The following HMGCLL1 variants were observed in gnomAD, a reference collection of about 807,000 sequenced individuals.
HMGCLL1 encodes 3-hydroxy-3-methylglutaryl-CoA lyase like 1.
In HMGCLL1, 36 loss-of-function variants were observed where a neutral mutation model predicts 39.1. The ratio of observed to expected loss-of-function variants is 0.92; its 90% CI spans 0.71 to 1.22. The LOEUF is 1.22. Among genes scored for constraint, HMGCLL1 ranks in the 50% most tolerant of loss-of-function variants. HMGCLL1 has a pLI of 0.00. For synonymous variants in HMGCLL1, 149 were observed against 144.0 expected (o/e 1.03, Z -0.25); for missense variants, 451 against 416.5 (o/e 1.08, Z -0.72).
At chr6:55,617,863 T>C in the HMGCLL1 span, among the ~76,000 whole-genome samples, 30 of 152,186 alleles carry the variant, frequency 2.0e-4, no homozygotes, top group Admixed American at 1.8e-3. Context: ...AATTGTTCAA[T>C]GTGTGAACCA....
At chr6:55,470,722 C>T (rs1383206590) in intron 7 of HMGCLL1, among the ~76,000 whole-genome samples, 2 of 151,818 alleles carry the variant, frequency 1.3e-5, no homozygotes, top group East Asian at 1.9e-4. Flanking sequence ...AAGGAAAGAG[C>T]TTTAATTGAC....
At chr6:55,604,173 G>C in the HMGCLL1 span, among the ~76,000 whole-genome samples, 3 of 152,074 alleles carry the variant, frequency 2.0e-5, no homozygotes, top group African/African-American at 7.2e-5. Flanking sequence ...TTCACCCCTA[G>C]TGAATGTTTT....
the HMGCLL1 span, among the ~76,000 whole-genome samples, chr6:55,647,669 T>A: frequency 6.6e-6 from 1 of 151,170 alleles, no homozygotes; most frequent in African/African-American, 2.4e-5. Flanking sequence ...AAAAGGAAAC[T>A]AATAAAAATT....
At chr6:55,531,463 A>G (rs1241969900) in intron 3 of HMGCLL1, among the ~76,000 whole-genome samples, 1 of 152,188 alleles carries the variant, frequency 6.6e-6, no homozygotes, top group African/African-American at 2.4e-5. Flanking sequence ...TCAGATACAA[A>G]AGTGGAATTT....
the HMGCLL1 span, among the ~76,000 whole-genome samples, chr6:55,618,845 A>G: frequency 3.9e-5 from 6 of 152,250 alleles, no homozygotes; most frequent in African/African-American, 1.4e-4. Context: ...ACATTCTAAA[A>G]GGAAATGATT....
chr6:55,514,928 T>C (rs1001032416), intron 4 of HMGCLL1, among the ~76,000 whole-genome samples: 17 of 152,142 alleles, frequency 1.1e-4, no homozygotes, highest in African/African-American at 3.9e-4. Context: ...GCACTTTGCC[T>C]ACGTTCTCCC....
At chr6:55,545,109 G>A (rs1769887578) in intron 1 of HMGCLL1, among the ~76,000 whole-genome samples, 1 of 151,702 alleles carries the variant, frequency 6.6e-6, no homozygotes, top group African/African-American at 2.4e-5. Context: ...TAAGCCATGT[G>A]GTCTCATTAT....
At chr6:55,656,076 T>A in the HMGCLL1 span, among the ~76,000 whole-genome samples, 11 of 152,166 alleles carry the variant, frequency 7.2e-5, no homozygotes, top group South Asian at 1.0e-3. Context: ...ACTGAACTCA[T>A]GATTTAGAAA....
At chr6:55,528,382 T>C (rs1768437129) in intron 3 of HMGCLL1, among the ~76,000 whole-genome samples, 1 of 152,052 alleles carries the variant, frequency 6.6e-6, no homozygotes, top group Non-Finnish European at 1.5e-5. Context: ...GATACATTCG[T>C]AAATTCAGTA....
intron 3 of HMGCLL1, among the ~76,000 whole-genome samples, chr6:55,523,170 A>G (rs937076006): frequency 5.9e-5 from 9 of 151,828 alleles, no homozygotes; most frequent in Admixed American, 3.3e-4. Context: ...CACTCCACCT[A>G]TCTGATAAAG....
chr6:55,526,713 A>T (rs1257530415), intron 3 of HMGCLL1, among the ~76,000 whole-genome samples: 1 of 152,002 alleles, frequency 6.6e-6, no homozygotes, highest in Non-Finnish European at 1.5e-5. Context: ...TGTTAAACCT[A>T]TGGGTATTTA....
chr6:55,641,404 T>C, the HMGCLL1 span, among the ~76,000 whole-genome samples: 1 of 152,028 alleles, frequency 6.6e-6, no homozygotes, highest in Non-Finnish European at 1.5e-5. Flanking sequence ...AGTTGCATAG[T>C]AATAGGTATA....
intron 7 of HMGCLL1, among the ~76,000 whole-genome samples, chr6:55,481,154 G>A (rs1765723077): frequency 6.6e-6 from 1 of 152,220 alleles, no homozygotes. Flanking sequence ...GCTAATGTGG[G>A]TGGATTGCTT....
intron 1 of HMGCLL1, among the ~76,000 whole-genome samples, chr6:55,559,941 C>A (rs1167071858): frequency 6.6e-6 from 1 of 152,008 alleles, no homozygotes; most frequent in Non-Finnish European, 1.5e-5. Context: ...TAAACATGAA[C>A]CTTTAAGGAA....
chr6:55,671,991 C>T, the HMGCLL1 span, among the ~76,000 whole-genome samples: 27 of 151,810 alleles, frequency 1.8e-4, no homozygotes, highest in Non-Finnish European at 3.1e-4. Flanking sequence ...TGTTCATATG[C>T]TCCTGATTAG....
chr6:55,580,261 T>A (rs915989094), upstream of HMGCLL1, among the ~76,000 whole-genome samples: 1 of 151,724 alleles, frequency 6.6e-6, no homozygotes, highest in Non-Finnish European at 1.5e-5. Flanking sequence ...TAAAAATAAA[T>A]GGGTTAAGGG....
At chr6:55,648,543 A>G in the HMGCLL1 span, among the ~76,000 whole-genome samples, 4,766 of 64,832 alleles carry the variant, frequency 0.074, 61 homozygotes, top group East Asian at 0.11. Context: ...TATCACCACC[A>G]ATCCCACATA....
intron 1 of HMGCLL1, among the ~76,000 whole-genome samples, chr6:55,543,162 T>A (rs1205042163): frequency 1.6e-4 from 1 of 6,402 alleles, no homozygotes; most frequent in African/African-American, 3.4e-4. Context: ...ATATATTATA[T>A]ATATAATATA....
At chr6:55,594,851 C>T in the HMGCLL1 span, among the ~76,000 whole-genome samples, 4 of 152,100 alleles carry the variant, frequency 2.6e-5, no homozygotes, top group African/African-American at 9.7e-5. Flanking sequence ...AAAATTATAG[C>T]TCAGATATAC....
Sources: allele counts gnomAD v4.1 joint callset (sites outside exome capture counted in the v4.1 genomes callset), GRCh38; gene constraint gnomAD v4.1.1; transcripts MANE v1.5; gene names NCBI Gene and HGNC (gene_info 2026-07-23, HGNC 2026-07-21).